The following NRXN1 variants were observed in gnomAD, a reference collection of about 807,000 sequenced individuals.
NRXN1 encodes the protein neurexin 1.
Under a neutral mutation model 150.9 loss-of-function variants are expected in NRXN1, and 39 were observed. The ratio of observed to expected loss-of-function variants is 0.26; its 90% CI spans 0.20 to 0.34. NRXN1 has a LOEUF of 0.34. NRXN1 is among the 10% of genes least tolerant of loss of function. NRXN1 has a pLI of 1.00. For synonymous variants in NRXN1, 924 were observed against 757.0 expected (o/e 1.22, Z -3.62); for missense variants, 1,815 against 1,949.9 (o/e 0.93, Z 1.30).
chr2:50,524,583 T>C (rs2092892356), intron 12 of NRXN1, among the ~76,000 whole-genome samples: 1 of 151,938 alleles, frequency 6.6e-6, no homozygotes, highest in African/African-American at 2.4e-5. Context: ...TCCGTAATTA[T>C]GCCATTGATT....
chr2:50,536,516 G>A (rs1444939848), intron 10 of NRXN1, among the ~76,000 whole-genome samples: 2 of 152,070 alleles, frequency 1.3e-5, no homozygotes, highest in African/African-American at 2.4e-5. Context: ...AGGTAGTAGC[G>A]GAATATTGCC....
intron 5 of NRXN1, among the ~76,000 whole-genome samples, chr2:50,685,601 C>A (rs894105287): frequency 6.6e-6 from 1 of 152,088 alleles, no homozygotes; most frequent in African/African-American, 2.4e-5. Context: ...TTCTCAATAT[C>A]CTCCAATGAG....
chr2:50,506,302 T>C (rs1320038216), intron 13 of NRXN1, among the ~76,000 whole-genome samples, 193 bp downstream of exon 13: 2 of 152,120 alleles, frequency 1.3e-5, no homozygotes, highest in African/African-American at 4.8e-5. Context: ...TGACATAAAA[T>C]GTGTCATTTT....
chr2:50,091,423 G>T lies in NRXN1; in HGVS notation c.3618C>A (p.Ile1206=). 1 of 1,614,176 alleles carries T rather than the reference G, an allele frequency of 6.2e-7. No individual in the cohort carries two copies. The highest frequency in any genetic ancestry group is 8.5e-7 in the Non-Finnish European group (1 of 1,180,024). ...CTACATGGTATTTCCCATCATTAAT[G>T]ATTGCATTGGATTCTTCAATGGCGA... is the stretch of plus-strand genomic sequence containing the variant. ...DDIAIEESNA[I]INDGKYHVVR... Residue 1206 remains isoleucine (I), a synonymous_variant, in exon 19 of 23, where the codon ATC becomes ATA. Transcript: ENST00000401669.
chr2:50,677,352 C>G (rs1043735879), intron 5 of NRXN1, among the ~76,000 whole-genome samples: 2 of 152,098 alleles, frequency 1.3e-5, no homozygotes, highest in African/African-American at 2.4e-5. Context: ...TTGAAAGACT[C>G]TGGGATAAGT....
At chr2:49,929,158 G>A (rs370037697) in intron 22 of NRXN1, among the ~76,000 whole-genome samples, 50 of 152,162 alleles carry the variant, frequency 3.3e-4, no homozygotes, top group African/African-American at 1.1e-3. Flanking sequence ...TGCTAGACAC[G>A]GAAAAACTCA....
At chr2:50,726,733 T>C (rs907554002) in intron 5 of NRXN1, among the ~76,000 whole-genome samples, 1 of 152,162 alleles carries the variant, frequency 6.6e-6, no homozygotes, top group Non-Finnish European at 1.5e-5. Flanking sequence ...CTTCCCTCCA[T>C]TAGTAAACAC....
intron 8 of NRXN1, among the ~76,000 whole-genome samples, chr2:50,614,563 C>T (rs914770873): frequency 6.7e-6 from 1 of 150,366 alleles, no homozygotes; most frequent in Non-Finnish European, 1.5e-5. Context: ...GTGCAGCACA[C>T]CAACATGACA....
intron 17 of NRXN1, among the ~76,000 whole-genome samples, chr2:50,435,399 C>T (rs139602304): frequency 1.8e-4 from 27 of 152,056 alleles, no homozygotes; most frequent in African/African-American, 6.3e-4. Context: ...TTTGAATTCC[C>T]GAAGTACTTC....
At chr2:50,153,182 C>A (rs924489611) in intron 18 of NRXN1, among the ~76,000 whole-genome samples, 7 of 151,538 alleles carry the variant, frequency 4.6e-5, no homozygotes, top group Non-Finnish European at 7.4e-5. Context: ...AACTTGTTTG[C>A]AATTTTTAAG....
intron 15 of NRXN1, among the ~76,000 whole-genome samples, chr2:50,476,625 A>T (rs1189408147): frequency 3.3e-5 from 5 of 152,138 alleles, no homozygotes; most frequent in Non-Finnish European, 7.3e-5. Flanking sequence ...CCACTGAGAA[A>T]TGCAGAAGAA....
chr2:51,017,043 G>T (rs1265266494), intron 2 of NRXN1, among the ~76,000 whole-genome samples: 2 of 151,612 alleles, frequency 1.3e-5, no homozygotes, highest in African/African-American at 4.8e-5. Flanking sequence ...TAATAATTGG[G>T]AGTTAAATAA....
chr2:50,122,072 C>G (rs1021840230), intron 18 of NRXN1, among the ~76,000 whole-genome samples: 3 of 152,164 alleles, frequency 2.0e-5, no homozygotes, highest in Non-Finnish European at 2.9e-5. Context: ...CTGAATACAA[C>G]TAAAGGCAGT....
At chr2:50,749,960 C>T (rs1031783722) in intron 5 of NRXN1, among the ~76,000 whole-genome samples, 1 of 151,986 alleles carries the variant, frequency 6.6e-6, no homozygotes, top group Admixed American at 6.6e-5. Context: ...CTTAAAGGCA[C>T]AACTTCAGAT....
At chr2:50,440,401 T>TTTTATTA (rs2085844527) in intron 17 of NRXN1, among the ~76,000 whole-genome samples, 1 of 151,378 alleles carries the variant, frequency 6.6e-6, no homozygotes, top group African/African-American at 2.4e-5. Flanking sequence ...GACTATAGTC[T>TTTTATTA]TTATTATTAT....
chr2:50,620,620 G>A (rs1474448890), intron 7 of NRXN1, among the ~76,000 whole-genome samples: 1 of 152,092 alleles, frequency 6.6e-6, no homozygotes, highest in Non-Finnish European at 1.5e-5. Context: ...GCTATTTCCA[G>A]CAACATCACT....
chr2:50,547,219 T>C lies in NRXN1; in HGVS notation c.1759+5368A>G, dbSNP rs141290661. Among the ~76,000 whole-genome samples, 616 of 152,322 alleles carry C rather than the reference T, an allele frequency of 4.0e-3. 5 individuals carry two copies. The highest frequency in any genetic ancestry group is 0.017 in the Middle Eastern group (5 of 292). On this transcript the variant is annotated intron_variant, in intron 9 of 22. Transcript: ENST00000401669. ...ATGAATAACCGCTGACACAATCAGC[T>C]GTACCCTGCTGTATACAAGCCAACT...
At chr2:50,161,016 A>G (rs1342767888) in intron 18 of NRXN1, among the ~76,000 whole-genome samples, 3 of 152,154 alleles carry the variant, frequency 2.0e-5, no homozygotes, top group Non-Finnish European at 2.9e-5. Flanking sequence ...CAGAAATGTG[A>G]TCTCCACTGT....
intron 12 of NRXN1, among the ~76,000 whole-genome samples, chr2:50,510,442 C>T (rs186815351): frequency 0.015 from 1,983 of 134,104 alleles, 20 homozygotes; most frequent in Non-Finnish European, 0.022. Flanking sequence ...GCCGAGATCT[C>T]GCCATTGCAC....
Sources: gnomAD v4.1 joint callset for allele counts (sites outside exome capture counted in the v4.1 genomes callset) on GRCh38, gnomAD v4.1.1 for gene constraint, MANE v1.5 for transcripts, NCBI Gene and HGNC (gene_info 2026-07-23, HGNC 2026-07-21) for gene names.